Variants in FOXO1 observed in about 807,000 individuals in gnomAD.
FOXO1 encodes the protein forkhead box O1, also known as forkhead box protein O1.
In FOXO1, 6 loss-of-function variants were observed where a neutral mutation model predicts 44.1. That is an observed-to-expected ratio of 0.14 (90% CI 0.07 to 0.27). The LOEUF (loss-of-function observed/expected upper bound fraction) is 0.27, where lower values mean the gene tolerates loss of function less well. FOXO1 is among the 10% of genes least tolerant of loss of function. The probability of loss-of-function intolerance (pLI) is 1.00; values close to 1 mark genes in which losing one functional copy is unlikely to be tolerated. For synonymous variants in FOXO1, 380 were observed against 362.7 expected, an observed-to-expected ratio of 1.05 and a Z score of -0.54; for missense variants, 737 against 888.8, an observed-to-expected ratio of 0.83 and a Z score of 2.17.
At chr13:40,614,058 T>C (rs1046346538) in intron 1 of FOXO1, among the ~76,000 whole-genome samples, 5 of 152,174 alleles carry the variant, frequency 3.3e-5, no homozygotes, top group African/African-American at 9.7e-5. Context: ...TTCCAGAAGT[T>C]CTGGTTCCTG....
chr13:40,666,002 T>C lies in FOXO1; in HGVS notation c.211A>G (p.Met71Val). The C allele has an allele frequency of 8.7e-6, 11 of 1,264,780 alleles. No homozygotes were observed. Among genetic ancestry groups the C allele is most frequent in the South Asian group, 2.8e-5 (1 of 35,294 alleles). 78.3% of individuals were successfully genotyped at this position (1,264,780 alleles called of 1,614,324 possible). Residue 71 changes from methionine to valine, a missense_variant, in exon 1 of 3, where the codon ATG becomes GTG. Around this residue, in one of 7 missense-constraint regions of FOXO1, gnomAD observed 213 missense variants for 236.4 expected, o/e 0.90. Transcript: ENST00000379561. ...ASAAAVSADF[M>V]SNLSLLEESE... ...TCCTCCAGCAAGCTCAGGTTGCTCA[T>C]GAAGTCGGCGCTGACAGCGGCAGCC... is the stretch of plus-strand genomic sequence containing the variant.
At chr13:40,641,894 G>A (rs1877365528) in intron 1 of FOXO1, among the ~76,000 whole-genome samples, 1 of 152,128 alleles carries the variant, frequency 6.6e-6, no homozygotes, top group Non-Finnish European at 1.5e-5. Flanking sequence ...GCTGAGGTGA[G>A]AGGACCACTT....
chr13:40,568,108 C>T (rs539893302), intron 1 of FOXO1, among the ~76,000 whole-genome samples: 1 of 152,102 alleles, frequency 6.6e-6, no homozygotes, highest in Non-Finnish European at 1.5e-5. Flanking sequence ...ACAGGGAAAG[C>T]GGAAAGGTCC....
chr13:40,586,865 T>TA (rs1160055338), intron 1 of FOXO1, among the ~76,000 whole-genome samples: 32 of 152,202 alleles, frequency 2.1e-4, no homozygotes, highest in African/African-American at 7.2e-4. Flanking sequence ...GAATTTAGAT[T>TA]ATGTTTACAG....
rs146040688 is a variant in FOXO1, at chr13:40,568,750, C to A, written c.631-7890G>T. ...TATCCTCAAAGACCACTATACCCCCCACTGCTACCCCCACTGTGCAGAGGT... is the reference window on the plus strand; with the variant it reads ...TATCCTCAAAGACCACTATACCCCCAACTGCTACCCCCACTGTGCAGAGGT... On this transcript the variant is annotated intron_variant, in intron 1 of 2. Coordinates refer to ENST00000379561, the MANE Select transcript of FOXO1 (RefSeq NM_002015.4). Among the ~76,000 whole-genome samples the A allele has an allele frequency of 4.6e-5, 7 of 152,210 alleles. No homozygotes were observed. The East Asian group carries it at 5.8e-4, about 13-fold the overall frequency.
At position 40,645,397 on chromosome 13, in the gene FOXO1, C is replaced by A. The variant is rs1254568618; in HGVS notation, c.630+20186G>T. The stretch of plus-strand genomic sequence containing the variant: ...GGTAACTTCCATTTAGCTCACTCCC[C>A]TAAGTCATTCTCCTTGTGGATTTCC... On this transcript the variant is annotated intron_variant, in intron 1 of 2. Transcript: ENST00000379561. 2.6e-5 allele frequency among the ~76,000 whole-genome samples: 4 copies of A among 152,300 alleles called. No individual in the cohort carries two copies. The East Asian group carries it at 7.7e-4, about 29-fold the overall frequency.
In FOXO1 at chr13:40,556,367, C is replaced by A. The variant is rs961311930; in HGVS notation, c.*2682G>T. ...ATCTATTACCTAAATATATTCCATA[C>A]GTCTATATTACGGAAACAATACATC... On this transcript the variant is annotated 3_prime_UTR_variant, in exon 3 of 3. Transcript: ENST00000379561. 2.6e-5 allele frequency: 4 copies of A among 152,600 alleles called. No homozygotes were observed. Among genetic ancestry groups the A allele is most frequent in the African/African-American group, 9.7e-5 (4 of 41,430 alleles). 9.5% of individuals were successfully genotyped at this position (152,600 alleles called of 1,614,324 possible).
At chr13:40,664,965 GC>G (rs1383039433) in intron 1 of FOXO1, among the ~76,000 whole-genome samples, 6 of 151,920 alleles carry the variant, frequency 3.9e-5, no homozygotes, top group Admixed American at 3.9e-4. Flanking sequence ...GGGACGCCGG[GC>G]CCCCGGCACT....
chr13:40,598,906 G>A (rs1875700778), intron 1 of FOXO1, among the ~76,000 whole-genome samples: 1 of 152,166 alleles, frequency 6.6e-6, no homozygotes, highest in Non-Finnish European at 1.5e-5. Context: ...GTCTTCCTTA[G>A]TCATATGTCT....
intron 1 of FOXO1, among the ~76,000 whole-genome samples, chr13:40,660,330 C>T (rs542885062): frequency 1.3e-5 from 2 of 152,242 alleles, no homozygotes; most frequent in South Asian, 4.1e-4. Context: ...CCCAAAAAGC[C>T]CCAAAGCTAC....
intron 1 of FOXO1, among the ~76,000 whole-genome samples, chr13:40,628,531 C>T (rs1183504216): frequency 6.6e-6 from 1 of 151,940 alleles, no homozygotes; most frequent in Non-Finnish European, 1.5e-5. Context: ...TACCTGAGTC[C>T]GTCCTCTTCA....
At chr13:40,647,308 C>T (rs1197244165) in intron 1 of FOXO1, among the ~76,000 whole-genome samples, 1 of 152,178 alleles carries the variant, frequency 6.6e-6, no homozygotes, top group Non-Finnish European at 1.5e-5. Flanking sequence ...AATCATGCAA[C>T]CTGCATTACA....
At chr13:40,652,999 T>C (rs930495466) in intron 1 of FOXO1, among the ~76,000 whole-genome samples, 1 of 151,966 alleles carries the variant, frequency 6.6e-6, no homozygotes, top group African/African-American at 2.4e-5. Context: ...GACAAGAGTA[T>C]TGCTCTGTCG....
intron 1 of FOXO1, among the ~76,000 whole-genome samples, chr13:40,662,170 CAAAAA>C (rs57350461): frequency 0.012 from 699 of 56,614 alleles, 1 homozygote; most frequent in Middle Eastern, 0.025. Flanking sequence ...GACTCTGACT[CAAAAA>C]AAAAAAAAAA....
chr13:40,597,489 ACTGTGATCAGG>A (rs1875626417), intron 1 of FOXO1, among the ~76,000 whole-genome samples: 1 of 152,166 alleles, frequency 6.6e-6, no homozygotes, highest in Non-Finnish European at 1.5e-5. Context: ...TGCATCCCTA[ACTGTGATCAGG>A]ACCTGTAAAG....
chr13:40,593,712 G>A (rs771369369), intron 1 of FOXO1, among the ~76,000 whole-genome samples: 1 of 152,078 alleles, frequency 6.6e-6, no homozygotes, highest in Non-Finnish European at 1.5e-5. Flanking sequence ...AGTTAATTAC[G>A]TAAAGAATCC....
chr13:40,579,322 G>A (rs1198775129), intron 1 of FOXO1, among the ~76,000 whole-genome samples: 2 of 152,184 alleles, frequency 1.3e-5, no homozygotes, highest in African/African-American at 4.8e-5. Context: ...CTTACTCTTT[G>A]ATGGATGAAG....
chr13:40,584,249 T>C (rs1483747301), intron 1 of FOXO1, among the ~76,000 whole-genome samples: 2 of 151,898 alleles, frequency 1.3e-5, no homozygotes, highest in South Asian at 2.1e-4. Flanking sequence ...ACAATCCACA[T>C]ATACCTCCAA....
intron 1 of FOXO1, chr13:40,620,379 C>T (rs527279289): frequency 9.4e-5 from 65 of 690,644 alleles, no homozygotes; most frequent in Non-Finnish European, 1.5e-4. Flanking sequence ...AGAGCGGTCA[C>T]GTATTCAAAC....
Sources: allele counts gnomAD v4.1 joint callset (sites outside exome capture counted in the v4.1 genomes callset), GRCh38; gene constraint gnomAD v4.1.1; regional missense constraint gnomAD v4.1.1; transcripts MANE v1.5; gene names NCBI Gene and HGNC (gene_info 2026-07-23, HGNC 2026-07-21).